ANKRD27: variants seen among roughly 807,000 people sequenced by gnomAD.
ANKRD27 encodes the protein ankyrin repeat domain-containing protein 27.
In ANKRD27, 112 loss-of-function variants were observed where a neutral mutation model predicts 129.7. The ratio of observed to expected loss-of-function variants is 0.86; its 90% CI spans 0.74 to 1.01. ANKRD27 has a LOEUF of 1.01. Among genes scored for constraint, ANKRD27 ranks in the 50% least tolerant of loss-of-function variants. The pLI, the probability that ANKRD27 is intolerant of heterozygous loss-of-function variation, is 0.00. For synonymous variants in ANKRD27, 516 were observed against 511.2 expected, an observed-to-expected ratio of 1.01 and a Z score of -0.13; for missense variants, 1,258 against 1,300.5, an observed-to-expected ratio of 0.97 and a Z score of 0.50.
At chr19:32,614,133 T>C (rs2145268316) in intron 22 of ANKRD27, among the ~76,000 whole-genome samples, 1 of 152,112 alleles carries the variant, frequency 6.6e-6, no homozygotes, top group South Asian at 2.1e-4. Flanking sequence ...GAATGATTGG[T>C]CTTGTGAGAG....
intron 23 of ANKRD27, among the ~76,000 whole-genome samples, 175 bp from the exon 24 acceptor site, chr19:32,606,129 T>C (rs1442257013): frequency 1.3e-5 from 2 of 149,618 alleles, no homozygotes; most frequent in Admixed American, 1.3e-4. Context: ...TTTTTTGTTG[T>C]TGTTCTTTTT....
intron 15 of ANKRD27, among the ~76,000 whole-genome samples, chr19:32,627,799 G>A (rs995487109): frequency 6.6e-6 from 1 of 152,242 alleles, no homozygotes; most frequent in Admixed American, 6.5e-5. Context: ...TCAGATTCAA[G>A]CCTTCCCTTG....
intron 1 of ANKRD27, among the ~76,000 whole-genome samples, chr19:32,661,755 G>A (rs1324632038): frequency 6.6e-6 from 1 of 152,104 alleles, no homozygotes; most frequent in Non-Finnish European, 1.5e-5. Context: ...TCGGCCCTGT[G>A]GAACTCACAT....
At chr19:32,659,508 G>A (rs183749881) in intron 1 of ANKRD27, among the ~76,000 whole-genome samples, 5 of 152,246 alleles carry the variant, frequency 3.3e-5, no homozygotes, top group Admixed American at 6.5e-5. Context: ...AAGATGACCC[G>A]TTTATTGGCT....
chr19:32,599,884 A>G, intron 27 of ANKRD27, 88 bp downstream of exon 27: 2 of 1,515,030 alleles, frequency 1.3e-6, no homozygotes, highest in Non-Finnish European at 1.8e-6. Context: ...AGATTTGTCC[A>G]TAACCAATTA....
chr19:32,633,918 C>T (rs1967044520), intron 12 of ANKRD27, among the ~76,000 whole-genome samples: 1 of 151,830 alleles, frequency 6.6e-6, no homozygotes, highest in South Asian at 2.1e-4. Context: ...TAGTCCCAGC[C>T]ACCCAGGAGG....
At chr19:32,618,342 G>A (rs1971953923) in intron 20 of ANKRD27, among the ~76,000 whole-genome samples, 2 of 150,674 alleles carry the variant, frequency 1.3e-5, no homozygotes, top group African/African-American at 4.9e-5. Flanking sequence ...GGCTCGGCCT[G>A]TAATCCCAGC....
intron 18 of ANKRD27, among the ~76,000 whole-genome samples, chr19:32,620,256 T>TA (rs1244823975): frequency 1.3e-4 from 19 of 148,202 alleles, no homozygotes; most frequent in East Asian, 4.0e-4. Flanking sequence ...CAAAATAATT[T>TA]AAAAAAAAAA....
chr19:32,604,776 G>T (rs1971706678), intron 24 of ANKRD27, among the ~76,000 whole-genome samples: 1 of 152,122 alleles, frequency 6.6e-6, no homozygotes, highest in Non-Finnish European at 1.5e-5. Context: ...CAATACTTGG[G>T]GCCAGGCACA....
At chr19:32,642,645 G>A (rs899680909) in intron 9 of ANKRD27, among the ~76,000 whole-genome samples, 2 of 152,152 alleles carry the variant, frequency 1.3e-5, no homozygotes, top group East Asian at 1.9e-4. Context: ...GCTGAGGCAG[G>A]AGAATCACTT....
intron 1 of ANKRD27, among the ~76,000 whole-genome samples, chr19:32,674,656 C>A (rs1286137673): frequency 6.6e-6 from 1 of 152,018 alleles, no homozygotes; most frequent in Non-Finnish European, 1.5e-5. Context: ...CCGCTGCGCG[C>A]GCGGCTCGGA....
At chr19:32,671,469 G>C (rs371596465) in intron 1 of ANKRD27, among the ~76,000 whole-genome samples, 2 of 152,286 alleles carry the variant, frequency 1.3e-5, no homozygotes, top group Middle Eastern at 3.4e-3. Flanking sequence ...AGGCCAAAGC[G>C]GGTGGATCAC....
chr19:32,625,801 A>C, intron 17 of ANKRD27, 73 bp downstream of exon 17: 1 of 1,234,484 alleles, frequency 8.1e-7, no homozygotes, highest in Non-Finnish European at 1.1e-6. Flanking sequence ...AAATACATTA[A>C]TGAGAAATCC....
At chr19:32,668,457 G>C (rs912108882) in intron 1 of ANKRD27, among the ~76,000 whole-genome samples, 32 of 150,422 alleles carry the variant, frequency 2.1e-4, no homozygotes, top group African/African-American at 7.8e-4. Flanking sequence ...AAGCCACTGT[G>C]CCCAGTCTTA....
chr19:32,662,663 G>A (rs1411959147), intron 1 of ANKRD27, among the ~76,000 whole-genome samples: 1 of 152,094 alleles, frequency 6.6e-6, no homozygotes, highest in African/African-American at 2.4e-5. Flanking sequence ...GATCGCTTGA[G>A]CCCAGGAGTT....
intron 5 of ANKRD27, chr19:32,643,925 A>T: frequency 2.0e-6 from 1 of 498,686 alleles, no homozygotes; most frequent in Non-Finnish European, 3.6e-6. Flanking sequence ...CCCAGAGTAG[A>T]GTGCAGTGGT....
At chr19:32,604,462 G>A (rs187319607) in intron 24 of ANKRD27, 38 bp from the exon 25 acceptor site, 453 of 1,557,984 alleles carry the variant, frequency 2.9e-4, no homozygotes, top group Non-Finnish European at 3.7e-4. Context: ...GGAACGCTAC[G>A]AAACGTCAGC....
At chr19:32,661,220 T>TC (rs1967638357) in intron 1 of ANKRD27, among the ~76,000 whole-genome samples, 1 of 43,466 alleles carries the variant, frequency 2.3e-5, no homozygotes, top group African/African-American at 4.6e-5. Flanking sequence ...AAAAAAATTA[T>TC]ACACACACAC....
intron 10 of ANKRD27, among the ~76,000 whole-genome samples, chr19:32,641,190 C>T (rs1290123381): frequency 1.3e-5 from 2 of 151,338 alleles, no homozygotes; most frequent in Non-Finnish European, 2.9e-5. Context: ...TGTGAGCCAC[C>T]GCGCCCAGCC....
Sources: allele counts gnomAD v4.1 joint callset (sites outside exome capture counted in the v4.1 genomes callset), GRCh38; gene constraint gnomAD v4.1.1; transcripts MANE v1.5; gene names NCBI Gene and HGNC (gene_info 2026-07-23, HGNC 2026-07-21).